The following FSTL4 variants were observed in gnomAD, a reference collection of about 807,000 sequenced individuals.
FSTL4 encodes the protein follistatin like 4, also known as follistatin-related protein 4.
In FSTL4, 28 loss-of-function variants were observed where a neutral mutation model predicts 78.2. The observed-to-expected ratio is 0.36, with a 90% CI of 0.27 to 0.49. The LOEUF (loss-of-function observed/expected upper bound fraction) is 0.49. FSTL4 is among the 20% of genes least tolerant of loss of function. FSTL4 has a pLI of 0.98. For missense variants in FSTL4, 922 were observed against 1,084.9 expected, an observed-to-expected ratio of 0.85 and a Z score of 2.11; for synonymous variants, 422 against 440.5, an observed-to-expected ratio of 0.96 and a Z score of 0.53.
intron 2 of FSTL4, among the ~76,000 whole-genome samples, chr5:133,590,538 C>G (rs1301496177): frequency 3.9e-5 from 6 of 152,038 alleles, no homozygotes; most frequent in African/African-American, 9.7e-5. Flanking sequence ...TCTGGTCAAG[C>G]CATGACTCCC....
the FSTL4 span, chr5:133,720,457 C>T: frequency 1.3e-5 from 2 of 153,090 alleles, no homozygotes; most frequent in African/African-American, 4.8e-5. Context: ...TCACCATGTC[C>T]AAATACACAG....
intron 4 of FSTL4, among the ~76,000 whole-genome samples, chr5:133,392,568 G>T (rs1470983958): frequency 6.6e-6 from 1 of 152,194 alleles, no homozygotes; most frequent in Non-Finnish European, 1.5e-5. Flanking sequence ...GCAGACCCTA[G>T]AGGGCAGAAT....
At chr5:133,461,211 T>C (rs576423325) in intron 3 of FSTL4, among the ~76,000 whole-genome samples, 2 of 152,300 alleles carry the variant, frequency 1.3e-5, no homozygotes, top group South Asian at 2.1e-4. Flanking sequence ...GATATTAAAA[T>C]TGCCAATCTA....
chr5:133,225,887 C>T lies in FSTL4; in HGVS notation c.1016-68G>A. On this transcript the variant is annotated intron_variant, in intron 8 of 15. Coordinates refer to ENST00000265342, the MANE Select transcript of FSTL4 (RefSeq NM_015082.2). The surrounding 1 kb of genome is among the most constrained non-coding windows in gnomAD (Gnocchi z 4.6). The stretch of plus-strand genomic sequence containing the variant: ...ACCTGGACTTGGGCCTGTGGCCCAA[C>T]CTGAGACCCTGCTCCAGAGGGGGTG... 2.4e-6 allele frequency: 3 copies of T among 1,262,698 alleles called. 1 individual carries two copies. Among genetic ancestry groups the T allele is most frequent in the Middle Eastern group, 5.6e-4 (2 of 3,590 alleles). The allele number at this position is 1,262,698 out of a possible 1,614,324, so 78.2% of individuals were successfully genotyped here.
rs569063909 is a variant in FSTL4, at chr5:133,552,714, G to A, written c.160+14472C>T. Among the ~76,000 whole-genome samples the A allele has an allele frequency of 8.5e-5, 13 of 152,300 alleles. No homozygotes were observed. The South Asian group carries it at 2.7e-3, about 32-fold the overall frequency. ...AATATGGAACAGAAATCGGGCTCAA[G>A]GGTCTTAGGAGAAACCTGTCTTACT... On this transcript the variant is annotated intron_variant, in intron 3 of 15. Transcript: ENST00000265342.
At chr5:133,676,246 A>G in the FSTL4 span, among the ~76,000 whole-genome samples, 15 of 152,278 alleles carry the variant, frequency 9.9e-5, no homozygotes, top group East Asian at 2.9e-3. Flanking sequence ...GTATGGAAAA[A>G]TAAACGAGGT....
At chr5:133,577,772 GGT>G (rs1328713816) in intron 2 of FSTL4, among the ~76,000 whole-genome samples, 3 of 152,264 alleles carry the variant, frequency 2.0e-5, no homozygotes, top group African/African-American at 7.2e-5. Context: ...TGGGCATGGT[GGT>G]GCCTACCTGT....
intron 6 of FSTL4, among the ~76,000 whole-genome samples, chr5:133,266,408 C>T (rs1752641587): frequency 6.6e-6 from 1 of 152,254 alleles, no homozygotes; most frequent in Admixed American, 6.5e-5. Flanking sequence ...TGAAATCTGC[C>T]CATTAAAATG....
intron 7 of FSTL4, chr5:133,248,017 G>A (rs551656089): frequency 6.6e-6 from 1 of 152,390 alleles, no homozygotes; most frequent in Non-Finnish European, 1.5e-5. Context: ...GGACCTCCAA[G>A]GTCACTGGGT....
chr5:133,373,864 T>C (rs919326706), intron 4 of FSTL4, among the ~76,000 whole-genome samples: 1 of 152,232 alleles, frequency 6.6e-6, no homozygotes, highest in Non-Finnish European at 1.5e-5. Context: ...TGCCCTTCTC[T>C]ATGTTGGCTT....
At position 133,545,980 on chromosome 5, in the gene FSTL4, C is replaced by T. The variant is rs375551066; in HGVS notation, c.160+21206G>A. 5.9e-5 allele frequency among the ~76,000 whole-genome samples: 9 copies of T among 152,356 alleles called. No individual in the cohort carries two copies. In the South Asian group the frequency reaches 1.7e-3, roughly 28 times the overall value. ...TATAAAGTTGTAAAGAACTTGGCTA[C>T]ATTGTGTTCATGCCCTAGGGCTCTA... On this transcript the variant is annotated intron_variant, in intron 3 of 15. Transcript: ENST00000265342.
the FSTL4 span, among the ~76,000 whole-genome samples, chr5:133,628,342 GTTTCTTTTCT>G: frequency 1.8e-4 from 27 of 149,364 alleles, no homozygotes; most frequent in East Asian, 2.7e-3. Context: ...TTTTTTGTTT[GTTTCTTTTCT>G]TTTCTTTTCT....
the FSTL4 span, among the ~76,000 whole-genome samples, chr5:133,698,532 C>G: frequency 6.6e-6 from 1 of 152,194 alleles, no homozygotes; most frequent in Non-Finnish European, 1.5e-5. Flanking sequence ...CTATTACATG[C>G]GATAATGCAT....
intron 3 of FSTL4, among the ~76,000 whole-genome samples, chr5:133,487,017 C>G (rs1210635474): frequency 6.6e-6 from 1 of 152,150 alleles, no homozygotes; most frequent in Non-Finnish European, 1.5e-5. Flanking sequence ...CAGCACACAG[C>G]TTTGCCATGG....
the FSTL4 span, among the ~76,000 whole-genome samples, chr5:133,776,516 T>C: frequency 1.4e-4 from 21 of 152,332 alleles, no homozygotes; most frequent in Non-Finnish European, 2.2e-4. Flanking sequence ...AATAGCCCCT[T>C]CTTTAACCTC....
intron 2 of FSTL4, among the ~76,000 whole-genome samples, chr5:133,573,537 T>C (rs1170138563): frequency 6.6e-6 from 1 of 152,156 alleles, no homozygotes; most frequent in Non-Finnish European, 1.5e-5. Flanking sequence ...AATTCTAAAC[T>C]TGTACATACC....
intron 2 of FSTL4, among the ~76,000 whole-genome samples, chr5:133,573,832 A>C (rs1232954086): frequency 4.6e-5 from 7 of 152,250 alleles, no homozygotes; most frequent in Admixed American, 4.6e-4. Context: ...AGCAAGTTTA[A>C]ACACATCATG....
At chr5:133,628,756 TA>T in the FSTL4 span, among the ~76,000 whole-genome samples, 1 of 151,910 alleles carries the variant, frequency 6.6e-6, no homozygotes, top group African/African-American at 2.4e-5. Flanking sequence ...TAGACACAAT[TA>T]AAAAAATGAA....
At chr5:133,395,460 G>A (rs767024807) in intron 4 of FSTL4, among the ~76,000 whole-genome samples, 9 of 152,114 alleles carry the variant, frequency 5.9e-5, no homozygotes, top group Non-Finnish European at 1.0e-4. Context: ...AACAAACTCC[G>A]GACACACCAT....
Sources: gnomAD v4.1 joint callset for allele counts (sites outside exome capture counted in the v4.1 genomes callset) on GRCh38, gnomAD v4.1.1 for gene constraint, Gnocchi (gnomAD v3.1) non-coding constraint, MANE v1.5 for transcripts, NCBI Gene and HGNC (gene_info 2026-07-23, HGNC 2026-07-21) for gene names.